The following COX18 variants were observed in gnomAD, a reference collection of about 807,000 sequenced individuals.
COX18 encodes the protein cytochrome c oxidase assembly protein COX18, mitochondrial.
COX18 carries 45 observed loss-of-function variants against 38.0 expected under a neutral mutation model. That is an observed-to-expected ratio of 1.18 (90% CI 0.93 to 1.52). The LOEUF (loss-of-function observed/expected upper bound fraction) is 1.52, where lower values mean the gene tolerates loss of function less well. Among genes scored for constraint, COX18 ranks in the 40% most tolerant of loss-of-function variants. The probability of loss-of-function intolerance (pLI) is 0.00; values close to 1 mark genes in which losing one functional copy is unlikely to be tolerated. For synonymous variants in COX18, 177 were observed against 169.8 expected (o/e 1.04, Z -0.33); for missense variants, 462 against 423.8 (o/e 1.09, Z -0.79).
chr4:73,066,424 G>A (rs1312970779), intron 2 of COX18, among the ~76,000 whole-genome samples: 1 of 152,178 alleles, frequency 6.6e-6, no homozygotes, highest in Non-Finnish European at 1.5e-5. Flanking sequence ...ACTGTGGCTT[G>A]CACTTGTAAT....
rs1009215360 is a variant in COX18, at chr4:73,057,272, C to T, written c.*842G>A. 1.3e-5 allele frequency: 2 copies of T among 151,980 alleles called. No homozygotes were observed. Among genetic ancestry groups the T allele is most frequent in the African/African-American group, 4.8e-5 (2 of 41,360 alleles). The allele number at this position is 151,980 out of a possible 1,614,324, so 9.4% of individuals were successfully genotyped here. A position where few individuals can be genotyped will look rare whatever the true frequency, so the allele number is the denominator to read the frequency against. On this transcript the variant is annotated 3_prime_UTR_variant, in exon 6 of 6. Coordinates refer to ENST00000507544, the MANE Select transcript of COX18 (RefSeq NM_001297732.2). ...TGAAACCCCATCTCTACTAAAAATA[C>T]AAAAATTAGCTGGGCGTGGTGGTGT... is the stretch of plus-strand genomic sequence containing the variant.
chr4:73,064,307 T>C (rs966806201), intron 4 of COX18, among the ~76,000 whole-genome samples: 1 of 152,068 alleles, frequency 6.6e-6, no homozygotes, highest in African/African-American at 2.4e-5. Flanking sequence ...TCTATGTGTA[T>C]GTTTTTCCCA....
intron 3 of COX18, 71 bp downstream of exon 3, chr4:73,065,172 CTTTTTTT>C: frequency 2.9e-6 from 2 of 689,722 alleles, no homozygotes; most frequent in East Asian, 3.1e-5. Context: ...GAAAAGTATG[CTTTTTTT>C]TTTTTTTTTT....
At chr4:73,065,561 T>C (rs1577955718) in intron 2 of COX18, 148 bp from the exon 3 acceptor site, 3 of 598,902 alleles carry the variant, frequency 5.0e-6, no homozygotes, top group Non-Finnish European at 8.3e-6. Context: ...TGTTAAGGAG[T>C]TGCCTAAACA....
At chr4:73,063,009 A>G (rs979238517) in intron 4 of COX18, among the ~76,000 whole-genome samples, 2 of 152,200 alleles carry the variant, frequency 1.3e-5, no homozygotes, top group African/African-American at 4.8e-5. Flanking sequence ...TAAATTGCTT[A>G]TAACAATGCC....
At chr4:73,065,194 T>TATTACAAAGACAA in intron 3 of COX18, 56 bp downstream of exon 3, 1 of 1,261,016 alleles carries the variant, frequency 7.9e-7, no homozygotes, top group Non-Finnish European at 1.1e-6. Flanking sequence ...TTTTTTTTTT[T>TATTACAAAGACAA]TTAGTACAAA....
Position 73,065,356 on chromosome 4 carries a change from G to A in COX18, c.492C>T (p.Asn164=), listed in dbSNP as rs376353250. 16 of 1,613,772 alleles carry A rather than the reference G, an allele frequency of 9.9e-6. No homozygotes were observed. Among genetic ancestry groups the A allele is most frequent in the Non-Finnish European group, 1.3e-5 (15 of 1,179,830 alleles). The change falls in exon 3 of 6, where the codon AAC becomes AAT. Residue 164 remains asparagine (N), a synonymous_variant. Transcript: ENST00000507544. ...RLISELYVRD[N]CHPFKATVLV... ...ACACAGTGGCTTTGAAAGGGTGGCA[G>A]TTATCTCGCACATATAGCTCTGAAA...
At chr4:73,059,367 C>G (rs537121900) in intron 5 of COX18, among the ~76,000 whole-genome samples, 19 of 152,190 alleles carry the variant, frequency 1.2e-4, no homozygotes, top group Admixed American at 1.2e-3. Flanking sequence ...AAAGTGGGGA[C>G]AGTAACTGCA....
rs1201189372 is a variant in COX18, at chr4:73,057,283, T to G, written c.*831A>C. 1.3e-5 allele frequency: 2 copies of G among 151,934 alleles called. No individual in the cohort carries two copies. Among genetic ancestry groups the G allele is most frequent in the African/African-American group, 4.8e-5 (2 of 41,408 alleles). 9.4% of individuals were successfully genotyped at this position (151,934 alleles called of 1,614,324 possible). ...CTCTACTAAAAATACAAAAATTAGC[T>G]GGGCGTGGTGGTGTGCACCTGCAAT... On this transcript the variant is annotated 3_prime_UTR_variant, in exon 6 of 6. Transcript: ENST00000507544.
chr4:73,065,199 T>TAAAAAG, intron 3 of COX18, 51 bp downstream of exon 3: 1 of 1,163,688 alleles, frequency 8.6e-7, no homozygotes, highest in Non-Finnish European at 1.2e-6. Flanking sequence ...TTTTTTTTAG[T>TAAAAAG]ACAAAGACAA....
rs28402757 is a variant in COX18, at chr4:73,064,254, A to G, written c.723+524T>C. ...GGCAACAAGAGCAAAACTCCATCTCAAAAAAAAAAGAAAAAAAAAGACATG... is the reference window on the plus strand; with the variant it reads ...GGCAACAAGAGCAAAACTCCATCTCGAAAAAAAAAGAAAAAAAAAGACATG... On this transcript the variant is annotated intron_variant, in intron 4 of 5. Coordinates refer to ENST00000507544, the MANE Select transcript of COX18 (RefSeq NM_001297732.2). Among the ~76,000 whole-genome samples the G allele has an allele frequency of 7.0e-3, 316 of 45,260 alleles. 1 individual carries two copies. Among genetic ancestry groups the G allele is most frequent in the African/African-American group, 0.025 (294 of 11,700 alleles). 29.7% of individuals were successfully genotyped at this position (45,260 alleles called of 152,430 possible).
intron 5 of COX18, among the ~76,000 whole-genome samples, chr4:73,061,238 A>G (rs943167164): frequency 1.3e-5 from 2 of 152,224 alleles, no homozygotes; most frequent in Non-Finnish European, 2.9e-5. Context: ...GCTCCAGTCT[A>G]CATAGGCAGA....
At chr4:73,067,814 CTG>C (rs1177311220) in intron 2 of COX18, among the ~76,000 whole-genome samples, 1 of 109,722 alleles carries the variant, frequency 9.1e-6, no homozygotes, top group Non-Finnish European at 1.7e-5. Flanking sequence ...GCACTCCAGA[CTG>C]GGCACCAAGA....
At chr4:73,066,972 G>C (rs1325574697) in intron 2 of COX18, among the ~76,000 whole-genome samples, 1 of 152,122 alleles carries the variant, frequency 6.6e-6, no homozygotes, top group Non-Finnish European at 1.5e-5. Context: ...GCTGTAAAAA[G>C]GAGAATAATT....
Position 73,069,366 on chromosome 4 carries a change from C to T in COX18, c.284G>A (p.Gly95Asp). The T allele has an allele frequency of 1.9e-6, 3 of 1,556,868 alleles. No individual in the cohort carries two copies. Among genetic ancestry groups the T allele is most frequent in the East Asian group, 2.4e-5 (1 of 41,602 alleles). ...SILLSTVALR[G>D]AVTLPLAAYQ... ...GGCTGCCAAAGGCAGCGTGACAGCA[C>T]CCCGTAAGGCCACGGTGGAGAGCAG... Residue 95 changes from glycine to aspartate, a missense_variant, in exon 1 of 6, where the codon GGT becomes GAT. Transcript: ENST00000507544.
rs772365427 is a variant in COX18 at position 73,064,893 on chromosome 4, G to C, written c.608C>G (p.Ser203Cys). The change falls in exon 4 of 6, where the codon TCT becomes TGT. Residue 203 changes from serine to cysteine, a missense_variant. Ser to Cys is a moderately radical substitution (Grantham distance 112, BLOSUM62 -1). Coordinates refer to ENST00000507544, the MANE Select transcript of COX18 (RefSeq NM_001297732.2). ...ACCAGTAGCTAACTGTTCCTGAACA[G>C]AAAAACCTGCTAAAACAGTTTTATA... ...TGAAHSEAGF[S>C]VQEQLATGGI... is the part of the protein sequence containing the mutation. 6.2e-7 allele frequency: 1 copy of C among 1,613,356 alleles called. No homozygotes were observed. The highest frequency in any genetic ancestry group is 1.3e-5 in the African/African-American group (1 of 75,000).
chr4:73,069,005 T>A (rs140790011), intron 1 of COX18, among the ~76,000 whole-genome samples: 1 of 152,350 alleles, frequency 6.6e-6, no homozygotes, highest in African/African-American at 2.4e-5. Context: ...GCCAACACAA[T>A]TTCTTCTGCG....
chr4:73,060,697 T>A (rs1720110630), intron 5 of COX18, among the ~76,000 whole-genome samples: 1 of 151,896 alleles, frequency 6.6e-6, no homozygotes, highest in South Asian at 2.1e-4. Flanking sequence ...CTGGCCAACA[T>A]GACGAAACCC....
rs191348698 is a variant in COX18, at chr4:73,052,619, A to G, written c.*5495T>C. On this transcript the variant is annotated 3_prime_UTR_variant, in exon 6 of 6. Transcript: ENST00000507544. ...TTTAAACAACACTAATAAGGTTCAA[A>G]TGGAAAATCTATAAATTCATATAAT... is the stretch of plus-strand genomic sequence containing the variant. 19 of 152,342 alleles carry G rather than the reference A, an allele frequency of 1.2e-4. No homozygotes were observed. Among genetic ancestry groups the G allele is most frequent in the Admixed American group, 5.2e-4 (8 of 15,296 alleles). 9.4% of individuals were successfully genotyped at this position (152,342 alleles called of 1,614,324 possible).
Sources: gnomAD v4.1 joint callset for allele counts (sites outside exome capture counted in the v4.1 genomes callset) on GRCh38, gnomAD v4.1.1 for gene constraint, MANE v1.5 for transcripts, NCBI Gene and HGNC (gene_info 2026-07-23, HGNC 2026-07-21) for gene names.